ZBTB7C: variants seen among roughly 807,000 people sequenced by gnomAD.
ZBTB7C encodes zinc finger and BTB domain-containing protein 7C.
ZBTB7C carries 8 observed loss-of-function variants against 25.7 expected under a neutral mutation model. That is an observed-to-expected ratio of 0.31 (90% CI 0.18 to 0.56). The LOEUF (loss-of-function observed/expected upper bound fraction) is 0.56, where lower values mean the gene tolerates loss of function less well. Among genes scored for constraint, ZBTB7C ranks in the 20% least tolerant of loss-of-function variants. ZBTB7C has a pLI of 0.91. For missense variants in ZBTB7C, 824 were observed against 855.2 expected (o/e 0.96, Z 0.46); for synonymous variants, 394 against 369.0 (o/e 1.07, Z -0.78).
intron 3 of ZBTB7C, among the ~76,000 whole-genome samples, chr18:48,100,364 T>C (rs1461102605): frequency 1.3e-5 from 2 of 152,204 alleles, no homozygotes; most frequent in Non-Finnish European, 2.9e-5. Context: ...AGGAGGCTGG[T>C]TCTGCCAGAG....
At chr18:48,165,369 C>T (rs2041208258) in intron 3 of ZBTB7C, 6 of 379,068 alleles carry the variant, frequency 1.6e-5, no homozygotes, top group Admixed American at 3.1e-5. Context: ...GAGCAAGAAT[C>T]GCCCTGCGGA....
chr18:48,142,840 T>G (rs62087429), intron 3 of ZBTB7C, among the ~76,000 whole-genome samples: 4,903 of 152,058 alleles, frequency 0.032, 113 homozygotes, highest in Non-Finnish European at 0.049. Context: ...TCTTGACTCT[T>G]CCTTCCTGTT....
chr18:48,254,390 T>A (rs914838316), intron 2 of ZBTB7C, among the ~76,000 whole-genome samples: 14 of 152,192 alleles, frequency 9.2e-5, no homozygotes, highest in Non-Finnish European at 1.8e-4. Flanking sequence ...GGTGGGGTGA[T>A]CAGCCTTCTC....
intron 1 of ZBTB7C, chr18:48,375,770 T>C (rs958832497): frequency 1.3e-5 from 2 of 152,222 alleles, no homozygotes; most frequent in Admixed American, 6.5e-5. Flanking sequence ...AAGCTCCTGC[T>C]ATGAGATTTG....
chr18:48,287,208 TG>T (rs1598786010), intron 2 of ZBTB7C, among the ~76,000 whole-genome samples: 2 of 152,202 alleles, frequency 1.3e-5, no homozygotes, highest in African/African-American at 4.8e-5. Context: ...TCATAATAGA[TG>T]TTTACAAATA....
intron 1 of ZBTB7C, among the ~76,000 whole-genome samples, chr18:48,382,616 A>G (rs1226179528): frequency 6.6e-6 from 1 of 152,258 alleles, no homozygotes; most frequent in Non-Finnish European, 1.5e-5. Flanking sequence ...GTATTATTCA[A>G]GCCACAAAAG....
intron 1 of ZBTB7C, among the ~76,000 whole-genome samples, chr18:48,372,578 T>C (rs1250956218): frequency 1.3e-5 from 2 of 151,578 alleles, no homozygotes; most frequent in East Asian, 1.9e-4. Context: ...ACATTAGGAG[T>C]TGCTTACTGG....
chr18:48,294,814 T>C (rs563544257), intron 2 of ZBTB7C, among the ~76,000 whole-genome samples: 2 of 152,170 alleles, frequency 1.3e-5, no homozygotes, highest in East Asian at 3.9e-4. Context: ...GTCAGCTAAG[T>C]GAGTTATTAG....
In ZBTB7C at chr18:48,180,085, T is replaced by C. The variant is rs139257949; in HGVS notation, c.-17+5849A>G. ...CGTACCTTCCTTGCAAGGAAGATAT[T>C]TCCCCTTCCTTCCTTTCCTTCCTTC... On this transcript the variant is annotated intron_variant, in intron 3 of 4. Coordinates refer to ENST00000590800, the MANE Select transcript of ZBTB7C (RefSeq NM_001318841.2). Among the ~76,000 whole-genome samples the C allele has an allele frequency of 1.0e-3, 88 of 87,046 alleles. 1 individual carries two copies. Among genetic ancestry groups the C allele is most frequent in the African/African-American group, 3.9e-3 (84 of 21,296 alleles). The allele number at this position is 87,046 out of a possible 152,430, so 57.1% of individuals were successfully genotyped here.
At chr18:48,089,573 G>C (rs2038331968) in intron 3 of ZBTB7C, among the ~76,000 whole-genome samples, 1 of 151,752 alleles carries the variant, frequency 6.6e-6, no homozygotes, top group Non-Finnish European at 1.5e-5. Flanking sequence ...GTCCACTCCA[G>C]TGGAGTTTCT....
chr18:48,373,352 T>C (rs1239411655), intron 1 of ZBTB7C, among the ~76,000 whole-genome samples: 1 of 152,154 alleles, frequency 6.6e-6, no homozygotes, highest in Non-Finnish European at 1.5e-5. Context: ...AACTTCCTGA[T>C]GCTTCCCTAG....
chr18:48,393,175 G>A (rs1643943877), intron 1 of ZBTB7C, among the ~76,000 whole-genome samples: 1 of 151,954 alleles, frequency 6.6e-6, no homozygotes, highest in South Asian at 2.1e-4. Context: ...CACCTGCCAG[G>A]GTGGGACTCG....
At chr18:48,358,315 G>A (rs2047024001) in intron 1 of ZBTB7C, among the ~76,000 whole-genome samples, 1 of 152,052 alleles carries the variant, frequency 6.6e-6, no homozygotes, top group South Asian at 2.1e-4. Context: ...TCATGCCACT[G>A]CACTCCAGCC....
chr18:48,243,295 C>A (rs1447471984), intron 2 of ZBTB7C, among the ~76,000 whole-genome samples: 1 of 145,288 alleles, frequency 6.9e-6, no homozygotes. Flanking sequence ...AAAAAAGCTC[C>A]TAGCTCTGAT....
chr18:48,209,225 C>A (rs553312988), intron 2 of ZBTB7C, among the ~76,000 whole-genome samples: 1 of 152,142 alleles, frequency 6.6e-6, no homozygotes, highest in African/African-American at 2.4e-5. Context: ...AGGCTCCAAA[C>A]GGAAATGTGC....
At chr18:48,381,136 T>C (rs1008743177) in intron 1 of ZBTB7C, among the ~76,000 whole-genome samples, 8 of 152,218 alleles carry the variant, frequency 5.3e-5, no homozygotes, top group Non-Finnish European at 1.0e-4. Flanking sequence ...TAATGTATGT[T>C]CCATGTACTT....
chr18:48,233,108 G>C (rs1425231734), intron 2 of ZBTB7C, among the ~76,000 whole-genome samples: 1 of 152,188 alleles, frequency 6.6e-6, no homozygotes, highest in South Asian at 2.1e-4. Context: ...TGCAGCATTG[G>C]CAGGTGGGGT....
At chr18:48,225,368 G>C (rs904486779) in intron 2 of ZBTB7C, among the ~76,000 whole-genome samples, 1 of 152,020 alleles carries the variant, frequency 6.6e-6, no homozygotes, top group Non-Finnish European at 1.5e-5. Context: ...AGGAAAGGGA[G>C]AGGAAGAGGA....
At chr18:48,205,673 ATAT>A (rs1035776624) in intron 2 of ZBTB7C, among the ~76,000 whole-genome samples, 7 of 152,046 alleles carry the variant, frequency 4.6e-5, no homozygotes, top group African/African-American at 1.7e-4. Context: ...TAAAGAGACC[ATAT>A]TCTGCAACAA....
Sources: allele counts gnomAD v4.1 joint callset (sites outside exome capture counted in the v4.1 genomes callset), GRCh38; gene constraint gnomAD v4.1.1; transcripts MANE v1.5; gene names NCBI Gene and HGNC (gene_info 2026-07-23, HGNC 2026-07-21).